The following EEA1 variants were observed in gnomAD, a reference collection of about 807,000 sequenced individuals.
EEA1 encodes the protein early endosome antigen 1, 162kD.
Under a neutral mutation model 209.2 loss-of-function variants are expected in EEA1, and 111 were observed. The ratio of observed to expected loss-of-function variants is 0.53; its 90% confidence interval spans 0.45 to 0.62. The LOEUF (loss-of-function observed/expected upper bound fraction) is 0.62. EEA1 is among the 20% of genes least tolerant of loss of function. The pLI is 0.00. For synonymous variants in EEA1, 536 were observed against 540.6 expected, an observed-to-expected ratio of 0.99 and a Z score of 0.12; for missense variants, 1,343 against 1,530.8, an observed-to-expected ratio of 0.88 and a Z score of 2.05.
chr12:92,906,217 G>C (rs977296946), intron 1 of EEA1, among the ~76,000 whole-genome samples: 1 of 151,604 alleles, frequency 6.6e-6, no homozygotes, highest in Non-Finnish European at 1.5e-5. Context: ...TCAGCATCCT[G>C]AGTAGCTGGG....
rs372513060 is a variant in EEA1 at position 92,810,863 on chromosome 12, G to C, written c.2199+416C>G. 8.1e-4 allele frequency among the ~76,000 whole-genome samples: 123 copies of C among 151,904 alleles called. 1 individual carries two copies. In the South Asian group the frequency reaches 0.011, roughly 13 times the overall value. ...TTTAAATTAGAAGCAAAATCCAAAG[G>C]GTATAAAGTTCTAAAAAGGAAAAGT... On this transcript the variant is annotated intron_variant, in intron 17 of 28. Transcript: ENST00000322349.
chr12:92,774,211 T>G lies in EEA1; in HGVS notation c.*1800A>C, dbSNP rs1873558671. ...TCAGTTTATATTATCCAACTATTAT[T>G]TTTAATAAAGAGCCACTGTATTTCT... On this transcript the variant is annotated 3_prime_UTR_variant, in exon 29 of 29. Transcript: ENST00000322349. 1 of 151,512 alleles carries G rather than the reference T, an allele frequency of 6.6e-6. No homozygotes were observed. Among genetic ancestry groups the G allele is most frequent in the Non-Finnish European group, 1.5e-5 (1 of 67,562 alleles). The allele number at this position is 151,512 out of a possible 1,614,324, so 9.4% of individuals were successfully genotyped here.
chr12:92,878,047 A>C (rs1462819405), intron 2 of EEA1, among the ~76,000 whole-genome samples: 1 of 152,128 alleles, frequency 6.6e-6, no homozygotes, highest in Non-Finnish European at 1.5e-5. Context: ...TGGAGAAGTG[A>C]CCTAAAATGA....
At position 92,778,198 on chromosome 12, in the gene EEA1, TGGG is replaced by T; in HGVS notation, c.3655-22_3655-20del. On this transcript the variant is annotated intron_variant, in intron 25 of 28. Transcript: ENST00000322349. Reference sequence around the variant, plus strand: ...CGGAATGCTGAAAAAAAGGAAAAGTTGGGGGGAAATCTATTACAAAAGTAGTGC... The same window carrying T: ...CGGAATGCTGAAAAAAAGGAAAAGTTGGGAAATCTATTACAAAAGTAGTGC... The T allele has an allele frequency of 6.3e-7, 1 of 1,587,430 alleles. No homozygotes were observed. The highest frequency in any genetic ancestry group is 8.6e-7 in the Non-Finnish European group (1 of 1,159,816).
At chr12:92,835,407 T>G (rs1876877973) in intron 10 of EEA1, 2 of 274,560 alleles carry the variant, frequency 7.3e-6, no homozygotes, top group African/African-American at 6.4e-5. Flanking sequence ...CTCCTTTTTT[T>G]TTTTTTTTTT....
At chr12:92,905,393 T>C (rs1227282146) in intron 1 of EEA1, 1 of 151,392 alleles carries the variant, frequency 6.6e-6, no homozygotes, top group Admixed American at 6.6e-5. Flanking sequence ...AGGTCAGGAG[T>C]TAAAGACCAG....
intron 8 of EEA1, 27 bp downstream of exon 8, chr12:92,852,148 C>T (rs1171248828): frequency 3.9e-6 from 6 of 1,547,188 alleles, no homozygotes; most frequent in African/African-American, 2.8e-5. Flanking sequence ...TATAAGAGTA[C>T]ATCTCAATAA....
Position 92,788,036 on chromosome 12 carries a change from T to TA in EEA1, c.2980_2981insT (p.Asn994IlefsTer2). 1 of 1,602,394 alleles carries TA rather than the reference T, an allele frequency of 6.2e-7. No homozygotes were observed. The highest frequency in any genetic ancestry group is 8.5e-7 in the Non-Finnish European group (1 of 1,175,280). ...CTGTGTTAACTGCTGCTGTAGTTTA[T>TA]TCTCAAGCTCTGTCTGAAACATACA... On this transcript the variant is annotated frameshift_variant, in exon 22 of 29. Coordinates refer to ENST00000322349, the MANE Select transcript of EEA1 (RefSeq NM_003566.4). LOFTEE classifies it high-confidence loss of function.
intron 2 of EEA1, among the ~76,000 whole-genome samples, chr12:92,886,847 A>C (rs1879428365): frequency 6.6e-6 from 1 of 151,932 alleles, no homozygotes; most frequent in Admixed American, 6.6e-5. Flanking sequence ...AAATACAAAA[A>C]ATTAGCCGGG....
intron 21 of EEA1, among the ~76,000 whole-genome samples, chr12:92,791,859 C>T (rs922133824): frequency 2.0e-5 from 3 of 152,098 alleles, no homozygotes; most frequent in African/African-American, 4.8e-5. Context: ...CTAAAATTGA[C>T]CACATAATTG....
intron 6 of EEA1, 56 bp downstream of exon 6, chr12:92,853,859 A>T: frequency 6.6e-7 from 1 of 1,510,624 alleles, no homozygotes; most frequent in Non-Finnish European, 9.0e-7. Flanking sequence ...AAAAGAAAGG[A>T]AAACAAATAA....
In EEA1 at chr12:92,869,475, T is replaced by G. The variant is rs1878535359; in HGVS notation, c.118-4488A>C. ...AGAAAAAGCCCTGGCCGGGCGCAGTTGTTCACGCCCATAATCCCAGCACTT... is the reference window on the plus strand; with the variant it reads ...AGAAAAAGCCCTGGCCGGGCGCAGTGGTTCACGCCCATAATCCCAGCACTT... On this transcript the variant is annotated intron_variant, in intron 2 of 28. Transcript: ENST00000322349. Among the ~76,000 whole-genome samples the G allele has an allele frequency of 2.0e-5, 3 of 151,618 alleles. No individual in the cohort carries two copies. The South Asian group carries it at 6.2e-4, about 31-fold the overall frequency.
intron 21 of EEA1, among the ~76,000 whole-genome samples, chr12:92,796,419 A>G (rs1565811667): frequency 6.6e-6 from 1 of 151,812 alleles, no homozygotes; most frequent in Non-Finnish European, 1.5e-5. Context: ...TTTTTACTGT[A>G]TTTTAAATTT....
Position 92,811,421 on chromosome 12 carries a change from A to G in EEA1, c.2057T>C (p.Ile686Thr). Residue 686 changes from isoleucine to threonine, a missense_variant, in exon 17 of 29, where the codon ATT becomes ACT. By Grantham distance (89) the Ile-to-Thr change is moderately conservative. Transcript: ENST00000322349. Reference sequence around the variant, plus strand: ...AGTGACCTGATCCAACTGAGTAGTAATCTTATTTAACTCCTTTAGAAAAGT... The same window carrying G: ...AGTGACCTGATCCAACTGAGTAGTAGTCTTATTTAACTCCTTTAGAAAAGT... The part of the protein sequence containing the change: ...LQDKQQELNK[I>T]TTQLDQVTAK... The G allele has an allele frequency of 6.4e-7, 1 of 1,568,182 alleles. No homozygotes were observed. Among genetic ancestry groups the G allele is most frequent in the Non-Finnish European group, 8.6e-7 (1 of 1,161,306 alleles).
chr12:92,861,470 A>G (rs944711092), intron 3 of EEA1, among the ~76,000 whole-genome samples: 1 of 152,154 alleles, frequency 6.6e-6, no homozygotes, highest in African/African-American at 2.4e-5. Context: ...AAAAATTATT[A>G]TTCTGGATGT....
At chr12:92,880,544 G>A (rs760488735) in intron 2 of EEA1, among the ~76,000 whole-genome samples, 2 of 152,088 alleles carry the variant, frequency 1.3e-5, no homozygotes, top group Admixed American at 6.6e-5. Context: ...ATGCAATCTC[G>A]GCTCACTGTA....
chr12:92,851,279 A>G lies in EEA1; in HGVS notation c.643-13T>C, dbSNP rs778805809. 5.6e-6 allele frequency: 9 copies of G among 1,593,392 alleles called. No homozygotes were observed. The highest frequency in any genetic ancestry group is 7.7e-6 in the Non-Finnish European group (9 of 1,174,668). ...CAGGTCTCTGAAGCTGTGAAACAAC[A>G]CATTTTAATTAAAAATTAAAGTGAA... On this transcript the variant is annotated splice_polypyrimidine_tract_variant and intron_variant, in intron 8 of 28. Coordinates refer to ENST00000322349, the MANE Select transcript of EEA1 (RefSeq NM_003566.4).
chr12:92,873,523 G>A lies in EEA1; in HGVS notation c.118-8536C>T, dbSNP rs191627588. On this transcript the variant is annotated intron_variant, in intron 2 of 28. Coordinates refer to ENST00000322349, the MANE Select transcript of EEA1 (RefSeq NM_003566.4). ...AATTAAGTAGCAAGAAAAGAGATAC[G>A]AAAGATCATTGACATTGACAACATT... is the stretch of plus-strand genomic sequence containing the variant. Among the ~76,000 whole-genome samples the A allele has an allele frequency of 3.4e-3, 525 of 152,308 alleles. 2 individuals carry two copies. The highest frequency in any genetic ancestry group is 0.01 in the Middle Eastern group (3 of 294).
intron 1 of EEA1, among the ~76,000 whole-genome samples, chr12:92,922,519 C>T (rs111470578): frequency 2.5e-3 from 375 of 152,300 alleles, no homozygotes; most frequent in Non-Finnish European, 3.8e-3. Context: ...ATTTTAAGAA[C>T]GACAACAACT....
Sources: allele counts gnomAD v4.1 joint callset (sites outside exome capture counted in the v4.1 genomes callset), GRCh38; gene constraint gnomAD v4.1.1; transcripts MANE v1.5; gene names NCBI Gene and HGNC (gene_info 2026-07-23, HGNC 2026-07-21).